The following GRIK1 variants were observed in gnomAD, a reference collection of about 807,000 sequenced individuals.
The protein encoded by GRIK1 is glutamate ionotropic receptor kainate type subunit 1.
GRIK1 carries 69 observed loss-of-function variants against 105.7 expected under a neutral mutation model. That is an observed-to-expected ratio of 0.65 (90% CI 0.54 to 0.80). The LOEUF (loss-of-function observed/expected upper bound fraction) is 0.80, where lower values mean the gene tolerates loss of function less well. Ranked by LOEUF, GRIK1 falls within the 30% of genes least tolerant of loss-of-function variation. GRIK1 has a pLI of 0.00. For synonymous variants in GRIK1, 438 were observed against 431.3 expected (o/e 1.02, Z -0.19); for missense variants, 1,109 against 1,167.3 (o/e 0.95, Z 0.73).
chr21:29,812,493 G>A (rs1252718620), intron 1 of GRIK1, among the ~76,000 whole-genome samples: 1 of 152,126 alleles, frequency 6.6e-6, no homozygotes, highest in Non-Finnish European at 1.5e-5. Context: ...AATTTCACTG[G>A]TAATGAGTTA....
intron 14 of GRIK1, among the ~76,000 whole-genome samples, chr21:29,563,156 G>A (rs1009436401): frequency 6.6e-6 from 1 of 152,064 alleles, no homozygotes; most frequent in African/African-American, 2.4e-5. Flanking sequence ...AAATCCCTTG[G>A]CAGGCACAGG....
intron 1 of GRIK1, among the ~76,000 whole-genome samples, chr21:29,894,572 C>T (rs796885088): frequency 1.9e-4 from 29 of 152,164 alleles, no homozygotes; most frequent in African/African-American, 6.5e-4. Flanking sequence ...AGTTCGCTGA[C>T]TCAAATGTTA....
intron 1 of GRIK1, among the ~76,000 whole-genome samples, chr21:29,822,146 A>T (rs141444573): frequency 6.6e-6 from 1 of 152,076 alleles, no homozygotes; most frequent in Non-Finnish European, 1.5e-5. Context: ...AAATGGTTGC[A>T]TAGCATATAT....
chr21:29,622,693 G>A (rs1276620381), intron 7 of GRIK1, among the ~76,000 whole-genome samples: 3 of 152,130 alleles, frequency 2.0e-5, no homozygotes, highest in Non-Finnish European at 2.9e-5. Flanking sequence ...GTGGGATATG[G>A]CTAATATTTG....
chr21:29,581,271 A>G (rs576654625), intron 13 of GRIK1, among the ~76,000 whole-genome samples, 154 bp downstream of exon 13: 38 of 152,236 alleles, frequency 2.5e-4, no homozygotes, highest in African/African-American at 9.1e-4. Context: ...GTTTTGCTTC[A>G]TCTTCAAAAC....
At chr21:29,619,594 G>A (rs2061940305) in intron 7 of GRIK1, among the ~76,000 whole-genome samples, 1 of 151,540 alleles carries the variant, frequency 6.6e-6, no homozygotes, top group African/African-American at 2.4e-5. Flanking sequence ...ACTTACTTAT[G>A]TAACCAAATA....
At chr21:29,712,353 TA>T (rs1324762143) in intron 1 of GRIK1, among the ~76,000 whole-genome samples, 1 of 152,130 alleles carries the variant, frequency 6.6e-6, no homozygotes, top group Non-Finnish European at 1.5e-5. Flanking sequence ...TTCTTGTGAA[TA>T]AAATGGTATT....
chr21:29,613,659 TAAAAGTCTTATAAA>T (rs746511974), intron 7 of GRIK1, among the ~76,000 whole-genome samples: 5 of 152,182 alleles, frequency 3.3e-5, no homozygotes, highest in Non-Finnish European at 7.4e-5. Context: ...GTAACACTAA[TAAAAGTCTTATAAA>T]ATTGGGAAAG....
intron 16 of GRIK1, 123 bp from the exon 17 acceptor site, chr21:29,538,007 C>A: frequency 1.6e-6 from 1 of 617,050 alleles, no homozygotes. Flanking sequence ...TACTGAACTT[C>A]ACAGCAAAAA....
intron 7 of GRIK1, among the ~76,000 whole-genome samples, chr21:29,611,249 T>C (rs892485446): frequency 6.6e-6 from 1 of 152,226 alleles, no homozygotes; most frequent in Non-Finnish European, 1.5e-5. Context: ...TGGACTTAGA[T>C]ATTTTTTGTT....
At chr21:29,848,774 TATA>T (rs1458006381) in intron 1 of GRIK1, among the ~76,000 whole-genome samples, 6 of 103,324 alleles carry the variant, frequency 5.8e-5, no homozygotes, top group African/African-American at 2.5e-4. Context: ...TATATATATA[TATA>T]TATTTTTTTT....
intron 1 of GRIK1, among the ~76,000 whole-genome samples, chr21:29,832,425 C>T (rs374682727): frequency 1.3e-4 from 20 of 152,242 alleles, no homozygotes; most frequent in Non-Finnish European, 2.4e-4. Flanking sequence ...ATGAGGGCTC[C>T]GTCACTGTAG....
chr21:29,872,664 G>T (rs751801669), intron 1 of GRIK1, among the ~76,000 whole-genome samples: 4 of 152,252 alleles, frequency 2.6e-5, no homozygotes, highest in Non-Finnish European at 5.9e-5. Context: ...AGCTGGGGAG[G>T]CCTCACAATC....
At chr21:29,774,541 T>C (rs1050049086) in intron 1 of GRIK1, among the ~76,000 whole-genome samples, 1 of 138,718 alleles carries the variant, frequency 7.2e-6, no homozygotes, top group African/African-American at 2.7e-5. Flanking sequence ...AACCTCCACC[T>C]CCCAGGTTCA....
At chr21:29,662,979 C>T (rs1244144173) in intron 4 of GRIK1, among the ~76,000 whole-genome samples, 1 of 152,112 alleles carries the variant, frequency 6.6e-6, no homozygotes, top group Non-Finnish European at 1.5e-5. Flanking sequence ...TAACCAAGCT[C>T]ATATTTTTAA....
rs190055722 is a variant in GRIK1, at chr21:29,793,028, T to C, written c.119-98965A>G. 1.4e-4 allele frequency among the ~76,000 whole-genome samples: 21 copies of C among 152,286 alleles called. No homozygotes were observed. In the East Asian group the frequency reaches 1.7e-3, roughly 13 times the overall value. ...CCCTGTGTCAATTAATGCACCTTCA[T>C]TGCACGTGAGCAAATCTGATCCTCT... On this transcript the variant is annotated intron_variant, in intron 1 of 17. Transcript: ENST00000327783.
At chr21:29,576,918 C>T in intron 14 of GRIK1, 46 bp downstream of exon 14, 1 of 1,016,372 alleles carries the variant, frequency 9.8e-7, no homozygotes. Flanking sequence ...TTATACTCTA[C>T]CACAAGTATC....
At chr21:29,802,363 A>G (rs2066735103) in intron 1 of GRIK1, among the ~76,000 whole-genome samples, 1 of 152,068 alleles carries the variant, frequency 6.6e-6, no homozygotes, top group Non-Finnish European at 1.5e-5. Context: ...GACTCTTGAC[A>G]ATCAAATTGA....
intron 1 of GRIK1, among the ~76,000 whole-genome samples, chr21:29,757,489 A>G (rs1319901659): frequency 6.6e-6 from 1 of 152,228 alleles, no homozygotes; most frequent in Non-Finnish European, 1.5e-5. Flanking sequence ...CAATTTAATT[A>G]ACTAGCACAA....
Sources: gnomAD v4.1 joint callset for allele counts (sites outside exome capture counted in the v4.1 genomes callset) on GRCh38, gnomAD v4.1.1 for gene constraint, MANE v1.5 for transcripts, NCBI Gene and HGNC (gene_info 2026-07-23, HGNC 2026-07-21) for gene names.